KCNH1: variants seen among roughly 807,000 people sequenced by gnomAD.
KCNH1 encodes potassium voltage-gated channel subfamily H member 1.
A neutral mutation model predicts 69.2 loss-of-function variants in KCNH1; 27 were observed. That is an observed-to-expected ratio of 0.39 (90% CI 0.29 to 0.54). The LOEUF is 0.54. Ranked by LOEUF, KCNH1 falls within the 20% of genes least tolerant of loss-of-function variation. KCNH1 has a pLI of 0.68. For synonymous variants in KCNH1, 456 were observed against 487.7 expected (o/e 0.93, Z 0.86); for missense variants, 798 against 1,261.6 (o/e 0.63, Z 5.57).
At chr1:210,977,657 T>C (rs1688639614) in intron 6 of KCNH1, among the ~76,000 whole-genome samples, 1 of 152,234 alleles carries the variant, frequency 6.6e-6, no homozygotes, top group Non-Finnish European at 1.5e-5. Context: ...GATTGTTGTT[T>C]GCTGGGTCAG....
intron 10 of KCNH1, among the ~76,000 whole-genome samples, chr1:210,757,673 CA>C (rs555611688): frequency 1.2e-3 from 186 of 152,348 alleles, no homozygotes; most frequent in Middle Eastern, 6.8e-3. Flanking sequence ...AGACCATCAC[CA>C]GACTTTTATG....
intron 6 of KCNH1, among the ~76,000 whole-genome samples, chr1:210,926,028 G>A (rs184152304): frequency 2.1e-3 from 325 of 152,322 alleles, no homozygotes; most frequent in African/African-American, 7.4e-3. Flanking sequence ...GGAGGCCGAG[G>A]TGGGCGGATC....
At chr1:210,893,823 T>C (rs1264689516) in intron 7 of KCNH1, among the ~76,000 whole-genome samples, 1 of 152,152 alleles carries the variant, frequency 6.6e-6, no homozygotes, top group Non-Finnish European at 1.5e-5. Flanking sequence ...GGATAGTGCA[T>C]ATTGCTGTGT....
At chr1:210,741,212 T>TA (rs1683021877) in intron 10 of KCNH1, among the ~76,000 whole-genome samples, 1 of 152,170 alleles carries the variant, frequency 6.6e-6, no homozygotes, top group South Asian at 2.1e-4. Context: ...AGTGAAGACA[T>TA]AAAAAATAAC....
chr1:210,864,144 C>T (rs1686051140), intron 7 of KCNH1, among the ~76,000 whole-genome samples: 2 of 152,194 alleles, frequency 1.3e-5, no homozygotes, highest in Admixed American at 1.3e-4. Flanking sequence ...CCAGCTCTCA[C>T]ATGCCTATGG....
intron 6 of KCNH1, among the ~76,000 whole-genome samples, chr1:210,993,141 T>C (rs1263191788): frequency 6.6e-6 from 1 of 152,192 alleles, no homozygotes; most frequent in South Asian, 2.1e-4. Flanking sequence ...CTCACAATTA[T>C]AACGATTAGA....
intron 3 of KCNH1, among the ~76,000 whole-genome samples, chr1:211,099,048 C>T (rs1410336426): frequency 6.6e-6 from 1 of 152,104 alleles, no homozygotes; most frequent in Non-Finnish European, 1.5e-5. Context: ...TTTACCTCAG[C>T]ATTCTTTTTA....
chr1:210,765,268 G>A (rs1207946106), intron 10 of KCNH1, among the ~76,000 whole-genome samples: 2 of 152,124 alleles, frequency 1.3e-5, no homozygotes, highest in South Asian at 2.1e-4. Context: ...CGGGTGGAAG[G>A]GTTGAAAAAC....
rs186908223 is a variant in KCNH1, at chr1:211,070,805, G to C, written c.558+11975C>G. On this transcript the variant is annotated intron_variant, in intron 5 of 10. Transcript: ENST00000271751. ...CAATTGTTCTCCAGTCTGGGGGACA[G>C]AGCGAGACTCCATCTCAAAAAAAAA... Among the ~76,000 whole-genome samples the C allele has an allele frequency of 3.2e-3, 457 of 145,034 alleles. 1 individual carries two copies. Among genetic ancestry groups the C allele is most frequent in the Middle Eastern group, 3.6e-3 (1 of 280 alleles).
chr1:211,013,222 G>A (rs933267674), intron 6 of KCNH1, among the ~76,000 whole-genome samples: 1 of 152,222 alleles, frequency 6.6e-6, no homozygotes, highest in African/African-American at 2.4e-5. Context: ...CTTGCTTTCA[G>A]CGTCAGTGAT....
intron 7 of KCNH1, among the ~76,000 whole-genome samples, chr1:210,824,929 T>C (rs1393168935): frequency 6.6e-6 from 1 of 152,238 alleles, no homozygotes; most frequent in Non-Finnish European, 1.5e-5. Context: ...AGTCAATACA[T>C]TTTATTAAGC....
intron 7 of KCNH1, among the ~76,000 whole-genome samples, chr1:210,820,303 A>G (rs1684902175): frequency 6.6e-6 from 1 of 152,168 alleles, no homozygotes; most frequent in Admixed American, 6.6e-5. Flanking sequence ...TAATAATCCT[A>G]ATTCCTAGAA....
intron 9 of KCNH1, among the ~76,000 whole-genome samples, chr1:210,789,477 C>T (rs1312966092): frequency 1.3e-5 from 2 of 151,920 alleles, no homozygotes; most frequent in African/African-American, 2.4e-5. Context: ...TTTTTCTGAT[C>T]GAATTGGTAA....
intron 3 of KCNH1, among the ~76,000 whole-genome samples, chr1:211,093,082 C>G (rs1030902170): frequency 1.3e-5 from 2 of 152,118 alleles, no homozygotes; most frequent in Non-Finnish European, 1.5e-5. Context: ...TCTCCAGAAC[C>G]CTCCCCTCCC....
chr1:210,917,451 C>A (rs1230774818), intron 7 of KCNH1, among the ~76,000 whole-genome samples: 1 of 152,046 alleles, frequency 6.6e-6, no homozygotes, highest in Non-Finnish European at 1.5e-5. Context: ...AGAAATTGTG[C>A]TTTCCATAGA....
At chr1:210,748,697 A>G (rs2149041246) in intron 10 of KCNH1, among the ~76,000 whole-genome samples, 1 of 152,308 alleles carries the variant, frequency 6.6e-6, no homozygotes, top group African/African-American at 2.4e-5. Context: ...CATGCCAGGC[A>G]GGCATCAGTT....
intron 10 of KCNH1, among the ~76,000 whole-genome samples, chr1:210,735,418 G>C (rs1026730717): frequency 2.5e-4 from 14 of 56,696 alleles, no homozygotes; most frequent in Non-Finnish European, 5.4e-4. Context: ...GAATGAGTGA[G>C]TGAGTGTGTG....
chr1:211,076,715 G>T (rs542377659), intron 5 of KCNH1, among the ~76,000 whole-genome samples: 1 of 152,186 alleles, frequency 6.6e-6, no homozygotes, highest in African/African-American at 2.4e-5. Context: ...CCAAAGGATC[G>T]CAGCTCCTCG....
chr1:210,892,466 A>C (rs1038705138), intron 7 of KCNH1, among the ~76,000 whole-genome samples: 1 of 152,174 alleles, frequency 6.6e-6, no homozygotes, highest in African/African-American at 2.4e-5. Flanking sequence ...TCTCAGAGGC[A>C]GACAGTCACC....
Sources: gnomAD v4.1 joint callset for allele counts (sites outside exome capture counted in the v4.1 genomes callset) on GRCh38, gnomAD v4.1.1 for gene constraint, MANE v1.5 for transcripts, NCBI Gene and HGNC (gene_info 2026-07-23, HGNC 2026-07-21) for gene names.